Variants in MAST3 observed in about 807,000 individuals in gnomAD.
The protein encoded by MAST3 is microtubule associated serine/threonine kinase 3, also known as microtubule-associated serine/threonine-protein kinase 3.
Under a neutral mutation model 127.0 loss-of-function variants are expected in MAST3, and 43 were observed. That is an observed-to-expected ratio of 0.34 (90% CI 0.27 to 0.44). MAST3 has a LOEUF of 0.44. Among genes scored for constraint, MAST3 ranks in the 20% least tolerant of loss-of-function variants. The pLI is 1.00. For synonymous variants in MAST3, 785 were observed against 809.2 expected (o/e 0.97, Z 0.51); for missense variants, 1,390 against 1,919.1 (o/e 0.72, Z 5.15).
chr19:18,146,036 A>G (rs566479806), intron 25 of MAST3, among the ~76,000 whole-genome samples, 171 bp downstream of exon 25: 1 of 152,156 alleles, frequency 6.6e-6, no homozygotes, highest in Admixed American at 6.5e-5. Context: ...TTCAGCCCCC[A>G]ACATCACCCC....
At chr19:18,127,641 G>A (rs1053581306) in intron 11 of MAST3, among the ~76,000 whole-genome samples, 9 of 151,026 alleles carry the variant, frequency 6.0e-5, no homozygotes, top group African/African-American at 1.2e-4. Flanking sequence ...CCAAGATCTC[G>A]CCACTGCACT....
Position 18,123,986 on chromosome 19 carries a change from C to T in MAST3, c.681C>T (p.Tyr227=), listed in dbSNP as rs760263860. ...EGRLQEFLTA[Y]APGARLALAD... Reference sequence around the variant, plus strand: ...GTCTGCAGGAGTTCCTGACGGCCTACGCGCCCGGCGCCCGGCTGGCGCTGG... The same window carrying T: ...GTCTGCAGGAGTTCCTGACGGCCTATGCGCCCGGCGCCCGGCTGGCGCTGG... The change falls in exon 9 of 28, where the codon TAC becomes TAT. Residue 227 remains tyrosine, a synonymous_variant. Transcript: ENST00000687212. The T allele has an allele frequency of 1.4e-5, 23 of 1,588,874 alleles. No individual in the cohort carries two copies. The highest frequency in any genetic ancestry group is 3.4e-5 in the South Asian group (3 of 87,574).
chr19:18,101,954 C>T (rs1395184777), intron 1 of MAST3, among the ~76,000 whole-genome samples: 2 of 125,522 alleles, frequency 1.6e-5, no homozygotes, highest in Non-Finnish European at 3.1e-5. Context: ...GTGGCGTGAT[C>T]TCCGCTCATT....
At chr19:18,113,299 T>C (rs2038861447) in intron 3 of MAST3, among the ~76,000 whole-genome samples, 1 of 152,026 alleles carries the variant, frequency 6.6e-6, no homozygotes, top group South Asian at 2.1e-4. Context: ...CCTCCTTTTT[T>C]TTTTTGAGAC....
intron 11 of MAST3, among the ~76,000 whole-genome samples, chr19:18,127,059 C>A (rs1295830261): frequency 6.6e-6 from 1 of 151,446 alleles, no homozygotes; most frequent in East Asian, 2.0e-4. Flanking sequence ...GGATTACAGG[C>A]GTGAGCCACC....
Position 18,131,978 on chromosome 19 carries a change from C to T in MAST3, c.1502C>T (p.Ala501Val). ...GTGGACATGGCCCGCCTGTACTTCG[C>T]CGAGACGGTGTTGGCGCTGGAGTAC... ...LPVDMARLYF[A>V]ETVLALEYLH... The change falls in exon 15 of 28, where the codon GCC (alanine) becomes GTC (valine). Residue 501 changes from alanine to valine, a missense_variant. By Grantham distance (64) the Ala-to-Val change is moderately conservative (BLOSUM62 0). This residue lies in a region of MAST3 where 191 missense variants were observed against 409.0 expected (regional missense o/e 0.47). Coordinates refer to ENST00000687212, the MANE Select transcript of MAST3 (RefSeq NM_001393504.1). The T allele has an allele frequency of 6.2e-7, 1 of 1,614,154 alleles. No homozygotes were observed. The highest frequency in any genetic ancestry group is 8.5e-7 in the Non-Finnish European group (1 of 1,180,026).
At chr19:18,123,532 G>A in intron 7 of MAST3, 48 bp from the exon 8 acceptor site, 1 of 1,486,610 alleles carries the variant, frequency 6.7e-7, no homozygotes, top group South Asian at 1.4e-5. Flanking sequence ...ATCCTCCCCT[G>A]GGGTTGGTCT....
intron 10 of MAST3, 106 bp downstream of exon 10, chr19:18,124,472 T>G: frequency 7.4e-7 from 1 of 1,351,012 alleles, no homozygotes; most frequent in Non-Finnish European, 1.0e-6. Flanking sequence ...TGTAGGGCTT[T>G]GAGAGGAACA....
At chr19:18,140,629 T>A (rs1325194482) in intron 20 of MAST3, among the ~76,000 whole-genome samples, 2 of 152,166 alleles carry the variant, frequency 1.3e-5, no homozygotes, top group Non-Finnish European at 2.9e-5. Context: ...CAGCATCACG[T>A]ACTCAAGGCT....
At chr19:18,121,223 A>G (rs2039943367) in intron 3 of MAST3, among the ~76,000 whole-genome samples, 1 of 151,892 alleles carries the variant, frequency 6.6e-6, no homozygotes, top group African/African-American at 2.4e-5. Context: ...TGGCACCATC[A>G]TGGCTCACGG....
chr19:18,113,859 C>T (rs1439880388), intron 3 of MAST3, among the ~76,000 whole-genome samples: 2 of 152,192 alleles, frequency 1.3e-5, no homozygotes, highest in African/African-American at 2.4e-5. Flanking sequence ...TGGCCTCCCA[C>T]GGTACTGGAA....
chr19:18,122,807 C>T, intron 6 of MAST3, 56 bp downstream of exon 6: 1 of 1,532,648 alleles, frequency 6.5e-7, no homozygotes, highest in Admixed American at 1.8e-5. Flanking sequence ...TGTGGGGGGA[C>T]ACATCTTTGT....
intron 11 of MAST3, 63 bp from the exon 12 acceptor site, chr19:18,128,337 A>G (rs2040887992): frequency 7.2e-7 from 1 of 1,395,952 alleles, no homozygotes; most frequent in Non-Finnish European, 9.8e-7. Context: ...GCCTCAGGAA[A>G]TTGCTGGGTG....
chr19:18,114,131 G>A (rs1316181479), intron 3 of MAST3, among the ~76,000 whole-genome samples: 1 of 151,266 alleles, frequency 6.6e-6, no homozygotes, highest in Non-Finnish European at 1.5e-5. Context: ...CCACAAACAT[G>A]GGGTATAATA....
chr19:18,125,539 A>C (rs1303281983), intron 11 of MAST3, among the ~76,000 whole-genome samples: 1 of 151,024 alleles, frequency 6.6e-6, no homozygotes, highest in African/African-American at 2.4e-5. Flanking sequence ...TCAGGAGTTC[A>C]AGACCAGCCA....
intron 3 of MAST3, among the ~76,000 whole-genome samples, chr19:18,120,226 C>T (rs1382860060): frequency 2.0e-5 from 3 of 152,074 alleles, no homozygotes; most frequent in Non-Finnish European, 2.9e-5. Flanking sequence ...CTAGTTGGGT[C>T]ACATTGGCAT....
chr19:18,129,008 G>A lies in MAST3; in HGVS notation c.1223+57G>A, dbSNP rs374005602. On this transcript the variant is annotated intron_variant, in intron 13 of 27. Coordinates refer to ENST00000687212, the MANE Select transcript of MAST3 (RefSeq NM_001393504.1). ...CACAGATGCCTGAGGGGATGGTTGA[G>A]GCCCAGGCAGCTCCTGCATCCCCCT... 1.1e-5 allele frequency: 16 copies of A among 1,475,448 alleles called. No individual in the cohort carries two copies. The African/African-American group carries it at 2.2e-4, about 20-fold the overall frequency. The allele number at this position is 1,475,448 out of a possible 1,614,324, so 91.4% of individuals were successfully genotyped here.
chr19:18,110,231 G>A lies in MAST3; in HGVS notation c.72-421G>A. On this transcript the variant is annotated intron_variant, in intron 2 of 27. Transcript: ENST00000687212. The surrounding 1 kb of genome is among the most constrained non-coding windows in gnomAD (Gnocchi z 4.3). ...TGTCCCTGCGTCCGTGTGTCCGTCC[G>A]TCGGTCCGCTCGCGCCACGATCAGG... 4.1e-6 allele frequency: 4 copies of A among 985,470 alleles called. No homozygotes were observed. The highest frequency in any genetic ancestry group is 4.8e-6 in the Non-Finnish European group (4 of 829,972). 61.0% of individuals were successfully genotyped at this position (985,470 alleles called of 1,614,324 possible). A position where few individuals can be genotyped will look rare whatever the true frequency, so the allele number is the denominator to read the frequency against.
chr19:18,139,064 T>C lies in MAST3; in HGVS notation c.2145T>C (p.Asn715=), dbSNP rs1271548958. The change falls in exon 20 of 28, where the codon AAT becomes AAC. Residue 715 remains asparagine (N), a synonymous_variant. Transcript: ENST00000687212. The stretch of plus-strand genomic sequence containing the variant: ...TGGGCTCCGAGGACGACGAGACCAA[T>C]GATGAAGAATCGTCCACAGAGATCC... ...RHLGSEDDET[N]DEESSTEIPQ... 1 of 1,604,784 alleles carries C rather than the reference T, an allele frequency of 6.2e-7. No homozygotes were observed. The highest frequency in any genetic ancestry group is 8.5e-7 in the Non-Finnish European group (1 of 1,175,772).
Sources: allele counts gnomAD v4.1 joint callset (sites outside exome capture counted in the v4.1 genomes callset), GRCh38; gene constraint gnomAD v4.1.1; regional missense constraint gnomAD v4.1.1; non-coding constraint Gnocchi (gnomAD v3.1); transcripts MANE v1.5; gene names NCBI Gene and HGNC (gene_info 2026-07-23, HGNC 2026-07-21).